RNLS: variants seen among roughly 807,000 people sequenced by gnomAD.
RNLS encodes the protein renalase, FAD dependent amine oxidase.
Under a neutral mutation model 39.8 loss-of-function variants are expected in RNLS, and 39 were observed. That is an observed-to-expected ratio of 0.98 (90% confidence interval 0.76 to 1.28). RNLS has a LOEUF of 1.28. Among genes scored for constraint, RNLS ranks in the 50% most tolerant of loss-of-function variants. The pLI, the probability that RNLS is intolerant of heterozygous loss-of-function variation, is 0.00. For synonymous variants in RNLS, 147 were observed against 150.7 expected (o/e 0.98, Z 0.18); for missense variants, 410 against 413.3 (o/e 0.99, Z 0.07).
the RNLS span, among the ~76,000 whole-genome samples, chr10:88,232,931 T>C: frequency 5.8e-4 from 88 of 152,374 alleles, 1 homozygote; most frequent in African/African-American, 2.0e-3. Flanking sequence ...GGTCAGGCAC[T>C]GTGACAAGTA....
chr10:88,247,232 C>G, the RNLS span, among the ~76,000 whole-genome samples: 1 of 152,124 alleles, frequency 6.6e-6, no homozygotes, highest in African/African-American at 2.4e-5. Context: ...CACAAATGAT[C>G]AAACAAAATC....
chr10:88,197,766 C>T, the RNLS span, among the ~76,000 whole-genome samples: 14,371 of 152,058 alleles, frequency 0.095, 722 homozygotes, highest in African/African-American at 0.13. Context: ...CATTAAAGGA[C>T]GAGGAGATAG....
intron 5 of RNLS, among the ~76,000 whole-genome samples, chr10:88,360,539 T>C (rs1394301983): frequency 6.6e-6 from 1 of 151,946 alleles, no homozygotes; most frequent in Non-Finnish European, 1.5e-5. Flanking sequence ...GGTTCAAGAG[T>C]GATTCTCCTG....
At chr10:88,279,553 A>T (rs551083794), downstream of RNLS, among the ~76,000 whole-genome samples, 14 of 152,238 alleles carry the variant, frequency 9.2e-5, no homozygotes, top group Non-Finnish European at 1.9e-4. Context: ...CCCACCAGGA[A>T]TTGAGCTGTT....
chr10:88,562,434 A>C (rs1849249182), intron 4 of RNLS, among the ~76,000 whole-genome samples: 1 of 152,200 alleles, frequency 6.6e-6, no homozygotes, highest in Non-Finnish European at 1.5e-5. Context: ...TAATTTTAGA[A>C]GGCACGCACA....
At chr10:88,579,877 TAATGC>T (rs1414142899) in intron 3 of RNLS, among the ~76,000 whole-genome samples, 1 of 152,226 alleles carries the variant, frequency 6.6e-6, no homozygotes, top group Non-Finnish European at 1.5e-5. Context: ...GTAGATCAAG[TAATGC>T]AGATTGCCCT....
chr10:88,196,335 A>G, the RNLS span, among the ~76,000 whole-genome samples: 1 of 152,198 alleles, frequency 6.6e-6, no homozygotes, highest in Non-Finnish European at 1.5e-5. Flanking sequence ...AGTCAGTGGG[A>G]TTGTATAGAT....
chr10:88,567,994 T>C (rs1363972654), intron 4 of RNLS, among the ~76,000 whole-genome samples: 1 of 152,170 alleles, frequency 6.6e-6, no homozygotes, highest in Non-Finnish European at 1.5e-5. Context: ...TGAAGCCTTG[T>C]CCACCACGAC....
At chr10:88,250,715 ATAT>A in the RNLS span, among the ~76,000 whole-genome samples, 3 of 152,212 alleles carry the variant, frequency 2.0e-5, no homozygotes, top group Non-Finnish European at 2.9e-5. Context: ...GCCAAACCAA[ATAT>A]AACCAAAGGC....
chr10:88,188,215 C>A, the RNLS span, among the ~76,000 whole-genome samples: 1 of 152,122 alleles, frequency 6.6e-6, no homozygotes, highest in South Asian at 2.1e-4. Flanking sequence ...GGCCACCACA[C>A]CCAGCTAATT....
intron 5 of RNLS, among the ~76,000 whole-genome samples, chr10:88,318,216 C>T (rs1205188912): frequency 6.6e-6 from 1 of 152,192 alleles, no homozygotes; most frequent in Non-Finnish European, 1.5e-5. Flanking sequence ...CTCTGGCAAA[C>T]ATGGGGCTGT....
intron 5 of RNLS, among the ~76,000 whole-genome samples, chr10:88,316,673 T>C (rs1265312602): frequency 1.3e-5 from 2 of 152,204 alleles, no homozygotes; most frequent in Non-Finnish European, 2.9e-5. Flanking sequence ...GATGGTGTGA[T>C]GCCAGGTTTC....
At chr10:88,341,930 A>G (rs1375587943) in intron 5 of RNLS, among the ~76,000 whole-genome samples, 1 of 152,168 alleles carries the variant, frequency 6.6e-6, no homozygotes, top group Non-Finnish European at 1.5e-5. Flanking sequence ...TCTCAAAAAG[A>G]TAGTTTCTAC....
Position 88,412,256 on chromosome 10 carries a change from G to A in RNLS, c.527-49531C>T, listed in dbSNP as rs12766111. Among the ~76,000 whole-genome samples, 281 of 152,118 alleles carry A rather than the reference G, an allele frequency of 1.8e-3. 2 individuals are homozygous for A. The highest frequency in any genetic ancestry group is 6.4e-3 in the African/African-American group (266 of 41,528). On this transcript the variant is annotated intron_variant, in intron 4 of 6. Coordinates refer to ENST00000331772, the MANE Select transcript of RNLS (RefSeq NM_001031709.3). ...AGGGGAACCAAAATGGAACTCTTAC[G>A]TGGATCCTATTATTTTACTATGTGC...
chr10:88,422,354 A>G (rs1418492958), intron 4 of RNLS, among the ~76,000 whole-genome samples: 1 of 152,214 alleles, frequency 6.6e-6, no homozygotes, highest in Non-Finnish European at 1.5e-5. Flanking sequence ...TTCCCAAGTT[A>G]TATATAACAC....
chr10:88,276,344 T>C (rs1842814987), intron 6 of RNLS, among the ~76,000 whole-genome samples: 1 of 152,166 alleles, frequency 6.6e-6, no homozygotes, highest in Admixed American at 6.5e-5. Flanking sequence ...AGAACTTCTT[T>C]TGCAACCTAG....
At chr10:88,268,001 G>T in the RNLS span, among the ~76,000 whole-genome samples, 6 of 152,268 alleles carry the variant, frequency 3.9e-5, no homozygotes, top group South Asian at 8.3e-4. Context: ...AAACAGAAAG[G>T]TTCTGTGAAT....
intron 4 of RNLS, among the ~76,000 whole-genome samples, chr10:88,387,317 A>C (rs975891772): frequency 1.3e-5 from 2 of 152,124 alleles, no homozygotes; most frequent in Non-Finnish European, 2.9e-5. Context: ...CTGAAGCCCT[A>C]GCAACACTGA....
At chr10:88,484,109 T>A (rs1281408484) in intron 4 of RNLS, among the ~76,000 whole-genome samples, 3 of 151,994 alleles carry the variant, frequency 2.0e-5, no homozygotes. Flanking sequence ...CAAGATGAAA[T>A]CCGAAAACAA....
Sources: allele counts gnomAD v4.1 joint callset (sites outside exome capture counted in the v4.1 genomes callset), GRCh38; gene constraint gnomAD v4.1.1; transcripts MANE v1.5; gene names NCBI Gene and HGNC (gene_info 2026-07-23, HGNC 2026-07-21).